ANXA8: variants seen among roughly 807,000 people sequenced by gnomAD.
The protein encoded by ANXA8 is VAC-beta.
In ANXA8, 9 loss-of-function variants were observed where a neutral mutation model predicts 26.8. That is an observed-to-expected ratio of 0.34 (90% confidence interval 0.20 to 0.59). ANXA8 has a LOEUF of 0.59. Ranked by LOEUF, ANXA8 falls within the 20% of genes least tolerant of loss-of-function variation. ANXA8 has a pLI of 0.84. For missense variants in ANXA8, 83 were observed against 238.5 expected, an observed-to-expected ratio of 0.35 and a Z score of 4.29; for synonymous variants, 39 against 94.8, an observed-to-expected ratio of 0.41 and a Z score of 3.42.
At chr10:47,723,151 TG>T in the ANXA8 span, among the ~76,000 whole-genome samples, 1 of 87,974 alleles carries the variant, frequency 1.1e-5, no homozygotes, top group Non-Finnish European at 2.3e-5. Flanking sequence ...AGGTTATCTG[TG>T]GTGATTGAAC....
At chr10:47,647,730 C>A in the ANXA8 span, among the ~76,000 whole-genome samples, 4 of 150,720 alleles carry the variant, frequency 2.7e-5, no homozygotes, top group African/African-American at 1.0e-4. Context: ...ATTGCGAAAT[C>A]TAAAAGAAAA....
chr10:47,937,426 AATTT>A, the ANXA8 span, among the ~76,000 whole-genome samples: 2 of 149,634 alleles, frequency 1.3e-5, no homozygotes, highest in African/African-American at 4.9e-5. Flanking sequence ...TAAGTTTTAA[AATTT>A]ATTTTTTATT....
the ANXA8 span, among the ~76,000 whole-genome samples, chr10:47,495,745 C>G: frequency 6.7e-6 from 1 of 149,270 alleles, no homozygotes; most frequent in African/African-American, 2.5e-5. Context: ...AATTAGGAAG[C>G]TGGGAAGCCA....
At chr10:47,958,254 A>G in the ANXA8 span, among the ~76,000 whole-genome samples, 359 of 149,768 alleles carry the variant, frequency 2.4e-3, 21 homozygotes, top group African/African-American at 8.4e-3. Flanking sequence ...CGAGGCCGGC[A>G]GAGCACTTGA....
the ANXA8 span, among the ~76,000 whole-genome samples, chr10:47,694,643 A>T: frequency 6.6e-6 from 1 of 151,198 alleles, no homozygotes; most frequent in African/African-American, 2.4e-5. Flanking sequence ...CTGGTCTCGA[A>T]CTCCTGACCT....
the ANXA8 span, among the ~76,000 whole-genome samples, chr10:47,944,625 G>A: frequency 6.6e-6 from 1 of 150,448 alleles, no homozygotes; most frequent in Non-Finnish European, 1.5e-5. Flanking sequence ...TGCTGAATAA[G>A]TCTCATGAGA....
the ANXA8 span, chr10:47,507,529 A>G: frequency 6.6e-7 from 1 of 1,521,496 alleles, no homozygotes; most frequent in East Asian, 3.0e-5. Flanking sequence ...ATAACAAGAC[A>G]GGTTTCTAAA....
At chr10:47,493,642 C>T in the ANXA8 span, among the ~76,000 whole-genome samples, 1 of 151,104 alleles carries the variant, frequency 6.6e-6, no homozygotes, top group Admixed American at 6.6e-5. Context: ...CCCAGACAGC[C>T]TGTTGTCAGA....
the ANXA8 span, among the ~76,000 whole-genome samples, chr10:47,946,843 C>T: frequency 1.3e-5 from 2 of 150,956 alleles, no homozygotes; most frequent in Non-Finnish European, 3.0e-5. Flanking sequence ...CAGGCATGTG[C>T]CACCAAGCCC....
the ANXA8 span, among the ~76,000 whole-genome samples, chr10:47,733,171 T>TTCTTTCTCTCTCTCTCTC: frequency 4.0e-5 from 4 of 100,814 alleles, no homozygotes; most frequent in African/African-American, 1.3e-4. Flanking sequence ...CTTTCTTTCT[T>TTCTTTCTCTCTCTCTCTC]TCTTTCTTTC....
the ANXA8 span, among the ~76,000 whole-genome samples, chr10:47,646,522 G>A: frequency 6.7e-6 from 1 of 150,224 alleles, no homozygotes; most frequent in African/African-American, 2.5e-5. Flanking sequence ...TACATTATTT[G>A]TCTATGGCTA....
At chr10:47,973,093 C>CA in the ANXA8 span, 1 of 78,352 alleles carries the variant, frequency 1.3e-5, no homozygotes, top group African/African-American at 5.6e-5. Flanking sequence ...TGCACACACA[C>CA]ACAAACACAA....
the ANXA8 span, among the ~76,000 whole-genome samples, chr10:47,717,582 G>A: frequency 1.5e-5 from 2 of 129,088 alleles, 1 homozygote; most frequent in Non-Finnish European, 3.2e-5. Flanking sequence ...AGTGCTCAGC[G>A]GAGTGACCCC....
At chr10:47,597,612 A>G in the ANXA8 span, among the ~76,000 whole-genome samples, 168 of 145,216 alleles carry the variant, frequency 1.2e-3, 7 homozygotes, top group Middle Eastern at 0.045. Flanking sequence ...ATACAATGCA[A>G]TATTCAAACT....
the ANXA8 span, among the ~76,000 whole-genome samples, chr10:47,955,471 C>T: frequency 6.7e-6 from 1 of 149,772 alleles, no homozygotes; most frequent in African/African-American, 2.5e-5. Flanking sequence ...TACCTGGGCT[C>T]TATGGCATAG....
At chr10:47,501,728 A>G in the ANXA8 span, 3 of 359,084 alleles carry the variant, frequency 8.4e-6, no homozygotes, top group South Asian at 6.2e-5. Context: ...AAATAAAAAT[A>G]AAAATGAAAA....
At chr10:47,657,477 C>T in the ANXA8 span, among the ~76,000 whole-genome samples, 114 of 151,622 alleles carry the variant, frequency 7.5e-4, 1 homozygote, top group African/African-American at 2.3e-3. Flanking sequence ...ATGTCAGCTC[C>T]ACCTCTTTAC....
the ANXA8 span, among the ~76,000 whole-genome samples, chr10:47,609,341 G>A: frequency 7.0e-6 from 1 of 143,044 alleles, no homozygotes; most frequent in Non-Finnish European, 1.5e-5. Context: ...AAAAGAAAGA[G>A]CTAGTATAAA....
chr10:47,733,150 T>TTTC, the ANXA8 span, among the ~76,000 whole-genome samples: 1 of 67,580 alleles, frequency 1.5e-5, no homozygotes, highest in Non-Finnish European at 3.0e-5. Flanking sequence ...CTAATCTTTC[T>TTTC]TTCTTTCTTT....
Sources: gnomAD v4.1 joint callset for allele counts (sites outside exome capture counted in the v4.1 genomes callset) on GRCh38, gnomAD v4.1.1 for gene constraint, MANE v1.5 for transcripts, NCBI Gene and HGNC (gene_info 2026-07-23, HGNC 2026-07-21) for gene names.